CMSS1: variants seen among roughly 807,000 people sequenced by gnomAD.
CMSS1 encodes the protein protein CMSS1.
In CMSS1, 33 loss-of-function variants were observed where a neutral mutation model predicts 43.5. The ratio of observed to expected loss-of-function variants is 0.76; its 90% confidence interval spans 0.57 to 1.01. The LOEUF is 1.01. Ranked by LOEUF, CMSS1 falls within the 50% of genes least tolerant of loss-of-function variation. CMSS1 has a pLI of 0.00. For synonymous variants in CMSS1, 115 were observed against 117.2 expected (o/e 0.98, Z 0.12); for missense variants, 313 against 326.4 (o/e 0.96, Z 0.32).
At chr3:99,939,224 A>G (rs1249771034) in intron 1 of CMSS1, among the ~76,000 whole-genome samples, 1 of 152,174 alleles carries the variant, frequency 6.6e-6, no homozygotes, top group East Asian at 1.9e-4. Flanking sequence ...AGTATTTTCC[A>G]TCATCACCTG....
At chr3:100,118,155 TAGAG>T (rs1161101184) in intron 1 of CMSS1, among the ~76,000 whole-genome samples, 1 of 151,372 alleles carries the variant, frequency 6.6e-6, no homozygotes, top group African/African-American at 2.4e-5. Context: ...ATTCTGGAAA[TAGAG>T]AGTAGTGATG....
chr3:100,062,097 T>C (rs2065579157), intron 1 of CMSS1, among the ~76,000 whole-genome samples: 3 of 49,546 alleles, frequency 6.1e-5, no homozygotes, highest in Non-Finnish European at 8.4e-5. Flanking sequence ...CTTCTTCTTT[T>C]TTTTTTTTTT....
chr3:99,890,876 T>C (rs181437265), intron 1 of CMSS1, among the ~76,000 whole-genome samples: 2 of 152,276 alleles, frequency 1.3e-5, no homozygotes, highest in East Asian at 3.9e-4. Flanking sequence ...GATTTTTTTA[T>C]ATGAAGTCAC....
intron 1 of CMSS1, among the ~76,000 whole-genome samples, chr3:99,976,673 C>A (rs370413949): frequency 6.6e-6 from 1 of 151,858 alleles, no homozygotes; most frequent in African/African-American, 2.4e-5. Context: ...AAGATTTATT[C>A]TTTATTTTTA....
chr3:100,173,397 G>C (rs936698282), intron 8 of CMSS1, among the ~76,000 whole-genome samples: 1 of 152,090 alleles, frequency 6.6e-6, no homozygotes, highest in Non-Finnish European at 1.5e-5. Context: ...TATTTTTTAT[G>C]AGAGAGAACT....
intron 1 of CMSS1, among the ~76,000 whole-genome samples, chr3:99,988,043 G>A (rs1709398128): frequency 6.6e-6 from 1 of 152,042 alleles, no homozygotes; most frequent in South Asian, 2.1e-4. Context: ...AAAATGTAAG[G>A]TTAAGCTGTA....
intron 1 of CMSS1, among the ~76,000 whole-genome samples, chr3:100,081,888 C>G (rs1049095792): frequency 1.3e-5 from 2 of 152,118 alleles, no homozygotes; most frequent in African/African-American, 4.8e-5. Flanking sequence ...TAGCACCCTC[C>G]GAGTTGTGAC....
chr3:100,006,655 CA>C lies in CMSS1; in HGVS notation c.65-140303del, dbSNP rs201648197. Among the ~76,000 whole-genome samples, 199 of 133,880 alleles carry C rather than the reference CA, an allele frequency of 1.5e-3. 2 individuals are homozygous for C. Among genetic ancestry groups the C allele is most frequent in the Admixed American group, 3.4e-3 (45 of 13,338 alleles). The allele number at this position is 133,880 out of a possible 152,430, so 87.8% of individuals were successfully genotyped here. On this transcript the variant is annotated intron_variant, in intron 1 of 9. Coordinates refer to ENST00000421999, the MANE Select transcript of CMSS1 (RefSeq NM_032359.4). ...TCATTTATCTTACATCTTTTCTTTC[CA>C]AAAAAAAAAAAAAATTCCAGCTTGG...
intron 1 of CMSS1, among the ~76,000 whole-genome samples, chr3:99,997,843 A>T (rs972070683): frequency 6.6e-6 from 1 of 152,240 alleles, no homozygotes; most frequent in Non-Finnish European, 1.5e-5. Context: ...CACATAAGTC[A>T]TGCTCTTATT....
chr3:99,930,950 CTG>C (rs1472481059), intron 1 of CMSS1: 22 of 1,613,636 alleles, frequency 1.4e-5, no homozygotes, highest in Non-Finnish European at 1.8e-5. Flanking sequence ...CCCTTGGAAA[CTG>C]TGGCCTTTAG....
intron 1 of CMSS1, among the ~76,000 whole-genome samples, chr3:100,093,574 A>G (rs1407657129): frequency 6.6e-6 from 1 of 151,680 alleles, no homozygotes; most frequent in East Asian, 1.9e-4. Context: ...GTTTCCTCCA[A>G]TGGTAACATC....
Position 100,178,336 on chromosome 3 carries a change from T to C in CMSS1, c.788T>C (p.Met263Thr), listed in dbSNP as rs2067165010. The change falls in exon 10 of 10, where the codon ATG (methionine) becomes ACG (threonine). Residue 263 changes from methionine to threonine, a missense_variant. Transcript: ENST00000421999. Reference sequence around the variant, plus strand: ...AAGGAGGTATTCGAACTTCTGGAAATGGGAGTGCTCAGTCTGTGCAAGTCA... The same window carrying C: ...AAGGAGGTATTCGAACTTCTGGAAACGGGAGTGCTCAGTCTGTGCAAGTCA... ...IRKEVFELLE[M>T]GVLSLCKSES... 6.2e-7 allele frequency: 1 copy of C among 1,613,318 alleles called. No individual in the cohort carries two copies. The highest frequency in any genetic ancestry group is 1.1e-5 in the South Asian group (1 of 91,032).
At chr3:99,904,474 A>C (rs958230068) in intron 1 of CMSS1, among the ~76,000 whole-genome samples, 2 of 152,230 alleles carry the variant, frequency 1.3e-5, no homozygotes, top group African/African-American at 4.8e-5. Context: ...AAATATATTT[A>C]CTATGCTTCT....
chr3:100,167,644 TGTTTA>T, intron 5 of CMSS1, 89 bp from the exon 6 acceptor site: 1 of 669,668 alleles, frequency 1.5e-6, no homozygotes, highest in East Asian at 2.6e-5. Flanking sequence ...TATTTTGTTT[TGTTTA>T]AATACTCAAC....
intron 1 of CMSS1, among the ~76,000 whole-genome samples, chr3:100,043,851 C>T (rs1434024427): frequency 6.6e-6 from 1 of 152,120 alleles, no homozygotes; most frequent in Non-Finnish European, 1.5e-5. Flanking sequence ...TTGAAATATG[C>T]AGTATGTTAT....
intron 1 of CMSS1, among the ~76,000 whole-genome samples, chr3:99,844,346 C>G (rs993006136): frequency 6.6e-6 from 1 of 152,108 alleles, no homozygotes; most frequent in African/African-American, 2.4e-5. Flanking sequence ...CTGAGATACG[C>G]TGATCTATAA....
chr3:99,952,138 C>T (rs972087352), intron 1 of CMSS1, among the ~76,000 whole-genome samples: 2 of 151,664 alleles, frequency 1.3e-5, no homozygotes, highest in South Asian at 2.1e-4. Context: ...TGTTAAGAGT[C>T]GCACAGACCA....
At chr3:99,961,221 G>A (rs112481712) in intron 1 of CMSS1, among the ~76,000 whole-genome samples, 1 of 152,156 alleles carries the variant, frequency 6.6e-6, no homozygotes, top group African/African-American at 2.4e-5. Context: ...ATGCCCGAGG[G>A]GATCCGGACT....
In CMSS1 at chr3:100,021,915, TTGTGTGTGTGTGTGTG is replaced by T. The variant is rs61704772; in HGVS notation, c.65-125027_65-125012del. 3.3e-3 allele frequency among the ~76,000 whole-genome samples: 354 copies of T among 106,012 alleles called. 3 individuals carry two copies. Among genetic ancestry groups the T allele is most frequent in the African/African-American group, 0.013 (337 of 24,964 alleles). The allele number at this position is 106,012 out of a possible 152,430, so 69.5% of individuals were successfully genotyped here. On this transcript the variant is annotated intron_variant, in intron 1 of 9. Coordinates refer to ENST00000421999, the MANE Select transcript of CMSS1 (RefSeq NM_032359.4). ...AGAATAGCTTGGATGCTAGATCCCA[TTGTGTGTGTGTGTGTG>T]TGTGTGTGTGTGTGTGTGTGTGTGT...
Sources: gnomAD v4.1 joint callset for allele counts (sites outside exome capture counted in the v4.1 genomes callset) on GRCh38, gnomAD v4.1.1 for gene constraint, MANE v1.5 for transcripts, NCBI Gene and HGNC (gene_info 2026-07-23, HGNC 2026-07-21) for gene names.